ZNF804B: variants seen among roughly 807,000 people sequenced by gnomAD.
ZNF804B encodes zinc finger protein 804B, also known as zinc finger 804B.
In ZNF804B, 80 loss-of-function variants were observed where a neutral mutation model predicts 101.4. That is an observed-to-expected ratio of 0.79 (90% CI 0.66 to 0.95). ZNF804B has a LOEUF of 0.95. Among genes scored for constraint, ZNF804B ranks in the 40% least tolerant of loss-of-function variants. The pLI is 0.00. For missense variants in ZNF804B, 1,673 were observed against 1,561.9 expected (o/e 1.07, Z -1.20); for synonymous variants, 622 against 558.8 (o/e 1.11, Z -1.59).
At chr7:89,083,888 T>G (rs1470357402) in intron 1 of ZNF804B, among the ~76,000 whole-genome samples, 2 of 151,946 alleles carry the variant, frequency 1.3e-5, no homozygotes, top group Non-Finnish European at 2.9e-5. Flanking sequence ...AGGACCCATT[T>G]AATGATGCCT....
chr7:89,147,366 C>T (rs1790807284), intron 1 of ZNF804B, among the ~76,000 whole-genome samples: 1 of 151,934 alleles, frequency 6.6e-6, no homozygotes, highest in Non-Finnish European at 1.5e-5. Flanking sequence ...TTTCTTTTCT[C>T]ATCTTAAAAT....
At chr7:89,231,240 G>A (rs1229974982) in intron 2 of ZNF804B, among the ~76,000 whole-genome samples, 1 of 151,974 alleles carries the variant, frequency 6.6e-6, no homozygotes, top group Non-Finnish European at 1.5e-5. Context: ...TGGAAGCACT[G>A]TTTGAAGATT....
intron 1 of ZNF804B, among the ~76,000 whole-genome samples, chr7:88,847,283 A>G (rs569174291): frequency 3.3e-5 from 5 of 152,192 alleles, no homozygotes; most frequent in African/African-American, 9.6e-5. Context: ...TTTCTCAACT[A>G]TGTTAATATT....
chr7:89,216,951 G>T (rs1788905078), intron 1 of ZNF804B, among the ~76,000 whole-genome samples: 1 of 152,088 alleles, frequency 6.6e-6, no homozygotes, highest in African/African-American at 2.4e-5. Flanking sequence ...TTGGTATTGG[G>T]ATAATAGAGC....
chr7:89,151,094 AAG>A (rs1790868498), intron 1 of ZNF804B, among the ~76,000 whole-genome samples: 4 of 152,238 alleles, frequency 2.6e-5, no homozygotes, highest in African/African-American at 7.2e-5. Context: ...GTTTAGATGT[AAG>A]AGATCTGGAA....
At chr7:89,066,027 T>G (rs1789450802) in intron 1 of ZNF804B, among the ~76,000 whole-genome samples, 1 of 152,146 alleles carries the variant, frequency 6.6e-6, no homozygotes, top group Non-Finnish European at 1.5e-5. Flanking sequence ...CACAATCATA[T>G]GTTTAAGTAC....
intron 2 of ZNF804B, among the ~76,000 whole-genome samples, chr7:89,249,124 C>A (rs1017593665): frequency 6.6e-6 from 1 of 150,768 alleles, no homozygotes; most frequent in African/African-American, 2.4e-5. Context: ...ACTCACCTAA[C>A]ATTGGAACAC....
At chr7:88,932,425 CA>C (rs369022567) in intron 1 of ZNF804B, among the ~76,000 whole-genome samples, 70 of 150,438 alleles carry the variant, frequency 4.7e-4, no homozygotes, top group African/African-American at 1.6e-3. Flanking sequence ...GAAATTGAAA[CA>C]AAAAAAATAC....
intron 2 of ZNF804B, among the ~76,000 whole-genome samples, chr7:89,253,466 T>C (rs970203262): frequency 9.2e-5 from 14 of 152,152 alleles, no homozygotes; most frequent in Non-Finnish European, 1.9e-4. Flanking sequence ...AAAACTTTAT[T>C]CATGTAAACA....
At position 88,978,712 on chromosome 7, in the gene ZNF804B, A is replaced by G. The variant is rs936290440; in HGVS notation, c.108+218628A>G. On this transcript the variant is annotated intron_variant, in intron 1 of 3. Transcript: ENST00000333190. ...AAAACTTAGTCTATTTATATTCAAT[A>G]TTAAGTAAAGACTTACTACTGCCAT... Among the ~76,000 whole-genome samples, 10 of 151,516 alleles carry G rather than the reference A, an allele frequency of 6.6e-5. No homozygotes were observed. The East Asian group carries it at 2.0e-3, about 30-fold the overall frequency.
chr7:89,283,377 G>A (rs956645703), intron 2 of ZNF804B, among the ~76,000 whole-genome samples: 4 of 152,222 alleles, frequency 2.6e-5, no homozygotes, highest in Middle Eastern at 6.8e-3. Flanking sequence ...GGTATCACAC[G>A]TATGCTTGCA....
chr7:89,219,893 G>GTGTGTGCA (rs1788957044), intron 2 of ZNF804B, among the ~76,000 whole-genome samples: 1 of 97,622 alleles, frequency 1.0e-5, no homozygotes, highest in Non-Finnish European at 2.1e-5. Flanking sequence ...GTGTATATAT[G>GTGTGTGCA]TATATATGTG....
intron 1 of ZNF804B, among the ~76,000 whole-genome samples, chr7:89,166,544 C>T (rs1170868735): frequency 6.6e-6 from 1 of 152,124 alleles, no homozygotes; most frequent in Admixed American, 6.6e-5. Context: ...CAATAGTAGG[C>T]AACCACAGCT....
At chr7:89,297,350 A>C (rs956592168) in intron 2 of ZNF804B, among the ~76,000 whole-genome samples, 1 of 152,176 alleles carries the variant, frequency 6.6e-6, no homozygotes, top group East Asian at 1.9e-4. Context: ...TAAATAGATA[A>C]GAATTGCTTA....
chr7:89,055,669 C>T (rs969663202), intron 1 of ZNF804B, among the ~76,000 whole-genome samples: 4 of 152,014 alleles, frequency 2.6e-5, no homozygotes, highest in Admixed American at 6.6e-5. Flanking sequence ...CTCACACATG[C>T]GAGTGAACAC....
At position 88,775,503 on chromosome 7, in the gene ZNF804B, ACTT is replaced by A. The variant is rs1288592131; in HGVS notation, c.108+15425_108+15427del. Among the ~76,000 whole-genome samples the A allele has an allele frequency of 3.3e-5, 5 of 152,364 alleles. No individual in the cohort carries two copies. In the East Asian group the frequency reaches 5.8e-4, roughly 18 times the overall value. ...CCATAGTCCCAACAGAAGCTTTTCT[ACTT>A]CTTCTCAGTCATGCCAAATGAGATA... On this transcript the variant is annotated intron_variant, in intron 1 of 3. Coordinates refer to ENST00000333190, the MANE Select transcript of ZNF804B (RefSeq NM_181646.5).
At position 89,019,655 on chromosome 7, in the gene ZNF804B, C is replaced by T. The variant is rs140475378; in HGVS notation, c.109-198500C>T. Among the ~76,000 whole-genome samples, 5 of 152,030 alleles carry T rather than the reference C, an allele frequency of 3.3e-5. No homozygotes were observed. The East Asian group carries it at 9.6e-4, about 29-fold the overall frequency. On this transcript the variant is annotated intron_variant, in intron 1 of 3. Transcript: ENST00000333190. ...TAGTATTTACCTTATAAATCTGGAC[C>T]CTCCAATGTTAGATACATATATAAT...
At chr7:89,319,419 C>T (rs1039812436) in intron 2 of ZNF804B, among the ~76,000 whole-genome samples, 2 of 151,940 alleles carry the variant, frequency 1.3e-5, no homozygotes, top group Admixed American at 1.3e-4. Flanking sequence ...ACTCAAAAAC[C>T]CTCATCCAAA....
chr7:89,305,416 A>G (rs2115931147), intron 2 of ZNF804B, among the ~76,000 whole-genome samples: 1 of 152,106 alleles, frequency 6.6e-6, no homozygotes, highest in East Asian at 1.9e-4. Context: ...ATAGTTTGAA[A>G]GAAAAAATGT....
Sources: allele counts gnomAD v4.1 joint callset (sites outside exome capture counted in the v4.1 genomes callset), GRCh38; gene constraint gnomAD v4.1.1; transcripts MANE v1.5; gene names NCBI Gene and HGNC (gene_info 2026-07-23, HGNC 2026-07-21).